CCDC192: variants seen among roughly 807,000 people sequenced by gnomAD.
CCDC192 encodes coiled-coil domain containing 192, also known as coiled-coil domain-containing protein 192.
rs537059444 is a variant in CCDC192, at chr5:127,917,934, G to A, written c.536-23248G>A. Among the ~76,000 whole-genome samples the A allele has an allele frequency of 2.2e-3, 328 of 152,190 alleles. 3 individuals carry two copies. Among genetic ancestry groups the A allele is most frequent in the Middle Eastern group, 0.014 (4 of 294 alleles). ...GCGGGTGGGTCACTTGAGCCCAGGT[G>A]TTGGAGACTAACCTGGGCAATATAG... On this transcript the variant is annotated intron_variant, in intron 6 of 6. Coordinates refer to ENST00000514853, the MANE Select transcript of CCDC192 (RefSeq NM_001317938.2).
At chr5:127,844,325 A>G (rs1361707923) in intron 5 of CCDC192, among the ~76,000 whole-genome samples, 1 of 152,232 alleles carries the variant, frequency 6.6e-6, no homozygotes, top group African/African-American at 2.4e-5. Flanking sequence ...AAAGTAGATT[A>G]AACTTGTTAA....
At chr5:127,743,371 G>A (rs571437208) in intron 2 of CCDC192, among the ~76,000 whole-genome samples, 15 of 152,008 alleles carry the variant, frequency 9.9e-5, no homozygotes, top group African/African-American at 1.4e-4. Context: ...TCATCCCTTC[G>A]TTTAACTCTC....
At chr5:127,925,263 TTTCCTA>T (rs1753832771) in intron 6 of CCDC192, among the ~76,000 whole-genome samples, 1 of 152,042 alleles carries the variant, frequency 6.6e-6, no homozygotes, top group African/African-American at 2.4e-5. Context: ...TATCAGAAGA[TTTCCTA>T]AACTAAAAAA....
chr5:127,846,288 C>CAA (rs34754443), intron 5 of CCDC192, among the ~76,000 whole-genome samples: 1 of 124,436 alleles, frequency 8.0e-6, no homozygotes. Context: ...GACTCGGTCT[C>CAA]AAAAAAAAAA....
chr5:127,861,996 G>T (rs1248587926), intron 5 of CCDC192, among the ~76,000 whole-genome samples: 4 of 152,202 alleles, frequency 2.6e-5, no homozygotes, highest in Non-Finnish European at 5.9e-5. Flanking sequence ...TAAGGGAGTT[G>T]TGAGTGGGAA....
At chr5:127,784,623 G>C (rs1264847918) in intron 3 of CCDC192, 13 of 649,936 alleles carry the variant, frequency 2.0e-5, no homozygotes, top group Non-Finnish European at 3.6e-5. Context: ...GTTAAGCCAA[G>C]TAACTGTAGG....
intron 5 of CCDC192, among the ~76,000 whole-genome samples, chr5:127,854,442 T>C (rs1277664946): frequency 6.6e-6 from 1 of 152,226 alleles, no homozygotes; most frequent in Non-Finnish European, 1.5e-5. Flanking sequence ...TATATTGTTA[T>C]AATTTCTCTA....
At chr5:127,805,622 C>T (rs1308078336) in intron 5 of CCDC192, among the ~76,000 whole-genome samples, 1 of 152,180 alleles carries the variant, frequency 6.6e-6, no homozygotes, top group Non-Finnish European at 1.5e-5. Context: ...GGGCCATTCT[C>T]TTAGTGCCAC....
At chr5:127,706,512 A>G (rs2126769210) in intron 1 of CCDC192, among the ~76,000 whole-genome samples, 1 of 143,772 alleles carries the variant, frequency 7.0e-6, no homozygotes, top group East Asian at 2.1e-4. Context: ...TGACAGAGCA[A>G]GACTCCATCT....
At chr5:127,867,710 C>T (rs1751671984) in intron 5 of CCDC192, among the ~76,000 whole-genome samples, 1 of 152,190 alleles carries the variant, frequency 6.6e-6, no homozygotes, top group African/African-American at 2.4e-5. Context: ...TACCAGATCT[C>T]CTCCTTGGTC....
chr5:127,834,849 GTGT>G (rs1389403626), intron 5 of CCDC192, among the ~76,000 whole-genome samples: 4 of 152,128 alleles, frequency 2.6e-5, no homozygotes, highest in East Asian at 1.9e-4. Context: ...AGGGCCCAGT[GTGT>G]TGTTAAGTGT....
chr5:127,749,047 T>C (rs984409829), intron 2 of CCDC192, among the ~76,000 whole-genome samples: 1 of 152,226 alleles, frequency 6.6e-6, no homozygotes, highest in African/African-American at 2.4e-5. Flanking sequence ...AATCATGTCA[T>C]CTGCAAACAG....
intron 6 of CCDC192, among the ~76,000 whole-genome samples, chr5:127,936,756 T>C (rs1441871854): frequency 6.6e-6 from 1 of 152,246 alleles, no homozygotes; most frequent in Non-Finnish European, 1.5e-5. Flanking sequence ...GGTGTGGGGT[T>C]AAGGCTGAGA....
chr5:127,705,465 G>C (rs1375066859), intron 1 of CCDC192, among the ~76,000 whole-genome samples: 5 of 151,902 alleles, frequency 3.3e-5, no homozygotes, highest in Non-Finnish European at 4.4e-5. Context: ...TGACTTTTTT[G>C]CCCAGCATAA....
intron 5 of CCDC192, among the ~76,000 whole-genome samples, chr5:127,832,448 A>G (rs1432555718): frequency 6.6e-6 from 1 of 152,198 alleles, no homozygotes; most frequent in African/African-American, 2.4e-5. Flanking sequence ...AGACAGTATA[A>G]TCGCATTAAT....
At chr5:127,702,254 G>A (rs1390514796), upstream of CCDC192, among the ~76,000 whole-genome samples, 2 of 151,988 alleles carry the variant, frequency 1.3e-5, no homozygotes, top group East Asian at 1.9e-4. Context: ...CACCACACCC[G>A]GCTAATTTGG....
At chr5:127,764,397 A>G (rs891323366) in intron 3 of CCDC192, among the ~76,000 whole-genome samples, 1 of 152,222 alleles carries the variant, frequency 6.6e-6, no homozygotes, top group Non-Finnish European at 1.5e-5. Context: ...TTGAAGGGAA[A>G]GTAGGATTCA....
chr5:127,869,581 T>C (rs529177773), intron 5 of CCDC192, among the ~76,000 whole-genome samples: 2 of 152,220 alleles, frequency 1.3e-5, no homozygotes, highest in Non-Finnish European at 2.9e-5. Context: ...TTATCTTGTA[T>C]TAATTTGAAG....
chr5:127,906,355 T>C (rs1312676726), intron 6 of CCDC192, among the ~76,000 whole-genome samples: 1 of 152,244 alleles, frequency 6.6e-6, no homozygotes, highest in Non-Finnish European at 1.5e-5. Context: ...CAGAATTGCA[T>C]TATTTTAAAG....
Sources: gnomAD v4.1 joint callset for allele counts (sites outside exome capture counted in the v4.1 genomes callset) on GRCh38, gnomAD v4.1.1 for gene constraint, MANE v1.5 for transcripts, NCBI Gene and HGNC (gene_info 2026-07-23, HGNC 2026-07-21) for gene names.